The following CCDC141 variants were observed in gnomAD, a reference collection of about 807,000 sequenced individuals.
CCDC141 encodes coiled-coil domain-containing protein 141.
A neutral mutation model predicts 181.0 loss-of-function variants in CCDC141; 168 were observed. The ratio of observed to expected loss-of-function variants is 0.93; its 90% CI spans 0.82 to 1.05. The LOEUF is 1.05. CCDC141 is among the 50% of genes least tolerant of loss of function. The probability of loss-of-function intolerance (pLI) is 0.00; values close to 1 mark genes in which losing one functional copy is unlikely to be tolerated. For missense variants in CCDC141, 1,902 were observed against 1,788.5 expected (o/e 1.06, Z -1.14); for synonymous variants, 666 against 642.3 (o/e 1.04, Z -0.56).
the CCDC141 span, chr2:178,817,404 A>G: frequency 2.3e-6 from 1 of 439,012 alleles, no homozygotes; most frequent in Non-Finnish European, 4.6e-6. Context: ...TTGGTTTAGG[A>G]CAGAAGTACT....
chr2:178,991,456 A>G (rs1224953253), intron 2 of CCDC141, among the ~76,000 whole-genome samples: 1 of 152,148 alleles, frequency 6.6e-6, no homozygotes, highest in African/African-American at 2.4e-5. Flanking sequence ...GACATTTTAA[A>G]AAGAACAAAA....
chr2:178,894,956 T>C (rs960864140), intron 8 of CCDC141, among the ~76,000 whole-genome samples: 3 of 152,088 alleles, frequency 2.0e-5, no homozygotes, highest in African/African-American at 7.2e-5. Flanking sequence ...TTGGAAAACA[T>C]AAAAATATCT....
chr2:178,877,895 T>C, intron 12 of CCDC141, 69 bp downstream of exon 12: 2 of 1,446,184 alleles, frequency 1.4e-6, no homozygotes, highest in Non-Finnish European at 1.9e-6. Context: ...AGCTGAACCT[T>C]TGAAATTATT....
intron 6 of CCDC141, among the ~76,000 whole-genome samples, chr2:178,928,410 G>A (rs976366983): frequency 2.6e-5 from 4 of 152,102 alleles, no homozygotes; most frequent in Non-Finnish European, 5.9e-5. Context: ...ACTGTGTTAA[G>A]GTATAAGAAG....
chr2:178,834,202 A>C lies in CCDC141; in HGVS notation c.4564T>G (p.Ser1522Ala). 2.6e-6 allele frequency: 4 copies of C among 1,536,256 alleles called. No individual in the cohort carries two copies. In the South Asian group the frequency reaches 4.8e-5, roughly 18 times the overall value. ...TGTGTGAGGAGCCAGTACATTAGGG[A>C]CACACTAACATAGACGACACACAGG... ...ITLCVVYVSV[S>A]LMYWLLTQ The change falls in exon 24 of 24, where the codon TCC becomes GCC. Residue 1522 changes from serine (S) to alanine (A), a missense_variant. Physicochemically the swap from Ser to Ala is moderately conservative, Grantham distance 99 (BLOSUM62 1). Coordinates refer to ENST00000443758, the MANE Select transcript of CCDC141 (RefSeq NM_173648.4).
chr2:178,853,729 T>G, intron 19 of CCDC141, 105 bp from the exon 20 acceptor site: 2 of 900,002 alleles, frequency 2.2e-6, no homozygotes, highest in Non-Finnish European at 3.3e-6. Flanking sequence ...AACTTAATGT[T>G]CACATTGGCT....
intron 6 of CCDC141, among the ~76,000 whole-genome samples, chr2:178,930,040 T>C (rs372436290): frequency 6.6e-6 from 1 of 152,048 alleles, no homozygotes; most frequent in African/African-American, 2.4e-5. Context: ...GCAGATGATA[T>C]GATCGTACAT....
At chr2:178,983,633 G>A (rs1373616432) in intron 2 of CCDC141, among the ~76,000 whole-genome samples, 2 of 147,946 alleles carry the variant, frequency 1.4e-5, no homozygotes, top group Admixed American at 6.8e-5. Flanking sequence ...AGCTGATGGA[G>A]CTGAAAACCA....
At chr2:178,976,405 G>A (rs956722166) in intron 3 of CCDC141, among the ~76,000 whole-genome samples, 3 of 152,150 alleles carry the variant, frequency 2.0e-5, no homozygotes, top group Admixed American at 6.5e-5. Flanking sequence ...ACAATCGACT[G>A]TAGTTTATTA....
In CCDC141 at chr2:178,997,617, G is replaced by T. The variant is rs566130601; in HGVS notation, c.226-18942C>A. 9.3e-4 allele frequency among the ~76,000 whole-genome samples: 142 copies of T among 152,196 alleles called. 5 individuals carry two copies. The South Asian group carries it at 0.029, about 31-fold the overall frequency. On this transcript the variant is annotated intron_variant, in intron 2 of 23. Coordinates refer to ENST00000443758, the MANE Select transcript of CCDC141 (RefSeq NM_173648.4). Reference sequence around the variant, plus strand: ...CACGTGTGTGTAGTAGTGATTGGAGGGGCTTGAGGAAGGATTGTCCCACCA... The same window carrying T: ...CACGTGTGTGTAGTAGTGATTGGAGTGGCTTGAGGAAGGATTGTCCCACCA...
chr2:178,919,134 G>T (rs1265310692), intron 6 of CCDC141, among the ~76,000 whole-genome samples: 1 of 152,030 alleles, frequency 6.6e-6, no homozygotes, highest in Non-Finnish European at 1.5e-5. Context: ...CCAGAAGAGG[G>T]TTTTCACCAC....
intron 2 of CCDC141, among the ~76,000 whole-genome samples, chr2:178,995,849 G>A (rs1415341929): frequency 1.3e-5 from 2 of 152,140 alleles, no homozygotes; most frequent in African/African-American, 4.8e-5. Context: ...TGATTCTTGT[G>A]TGACAAGTTT....
intron 4 of CCDC141, among the ~76,000 whole-genome samples, chr2:178,972,349 A>G (rs2154380111): frequency 6.6e-6 from 1 of 152,330 alleles, no homozygotes; most frequent in African/African-American, 2.4e-5. Context: ...AATAACACGC[A>G]ACAAATATAC....
intron 4 of CCDC141, among the ~76,000 whole-genome samples, chr2:178,969,974 A>T (rs1690809833): frequency 6.6e-6 from 1 of 152,198 alleles, no homozygotes; most frequent in South Asian, 2.1e-4. Flanking sequence ...ATTCCTATAC[A>T]CCAGTAACAG....
At chr2:178,979,778 G>T (rs1691285228) in intron 2 of CCDC141, among the ~76,000 whole-genome samples, 1 of 152,158 alleles carries the variant, frequency 6.6e-6, no homozygotes, top group African/African-American at 2.4e-5. Flanking sequence ...ATGAACCTTT[G>T]TATCTGTGGC....
intron 16 of CCDC141, among the ~76,000 whole-genome samples, chr2:178,867,536 G>A (rs945743243): frequency 3.9e-5 from 6 of 151,992 alleles, no homozygotes; most frequent in Non-Finnish European, 5.9e-5. Flanking sequence ...GCTAAATTTC[G>A]ATCAGAAATA....
intron 1 of CCDC141, among the ~76,000 whole-genome samples, chr2:179,049,467 C>T (rs2043605536): frequency 6.6e-6 from 1 of 152,158 alleles, no homozygotes; most frequent in African/African-American, 2.4e-5. Context: ...ACAAGCATTC[C>T]ACAGGTCCAT....
In CCDC141 at chr2:178,974,188, TA is replaced by T. The variant is rs1286676009; in HGVS notation, c.526+868del. On this transcript the variant is annotated intron_variant, in intron 4 of 23. Transcript: ENST00000443758. The stretch of plus-strand genomic sequence containing the variant: ...GTCTTTTGAAGGGTAATATAAACAC[TA>T]AATCTATTTGTGACTTTAAAACACC... 2.0e-5 allele frequency among the ~76,000 whole-genome samples: 3 copies of T among 152,296 alleles called. No homozygotes were observed. The South Asian group carries it at 6.2e-4, about 32-fold the overall frequency.
chr2:178,971,709 G>A (rs1559017168), intron 4 of CCDC141, among the ~76,000 whole-genome samples: 1 of 152,112 alleles, frequency 6.6e-6, no homozygotes, highest in Non-Finnish European at 1.5e-5. Context: ...AAGAAAATGT[G>A]GCACATATAC....
Sources: allele counts gnomAD v4.1 joint callset (sites outside exome capture counted in the v4.1 genomes callset), GRCh38; gene constraint gnomAD v4.1.1; transcripts MANE v1.5; gene names NCBI Gene and HGNC (gene_info 2026-07-23, HGNC 2026-07-21).